The following UGT2A1 variants were observed in gnomAD, a reference collection of about 807,000 sequenced individuals.
The protein encoded by UGT2A1 is UDP glucuronosyltransferase family 2 member A1 complex locus.
UGT2A1 carries 61 observed loss-of-function variants against 45.4 expected under a neutral mutation model. The ratio of observed to expected loss-of-function variants is 1.34; its 90% CI spans 1.09 to 1.66. The LOEUF (loss-of-function observed/expected upper bound fraction) is 1.66. Among genes scored for constraint, UGT2A1 ranks in the 40% most tolerant of loss-of-function variants. UGT2A1 has a pLI of 0.00. For synonymous variants in UGT2A1, 229 were observed against 196.2 expected (o/e 1.17, Z -1.40); for missense variants, 649 against 574.3 (o/e 1.13, Z -1.33).
intron 2 of UGT2A1, among the ~76,000 whole-genome samples, chr4:69,641,180 G>GA (rs1240698614): frequency 6.6e-6 from 1 of 151,724 alleles, no homozygotes; most frequent in African/African-American, 2.4e-5. Context: ...CAGAGTAAGG[G>GA]AAAAAATGAT....
rs780378875 is a variant in UGT2A1 at position 69,647,216 on chromosome 4, C to A, written c.429G>T (p.Lys143Asn). ...CTGGATCAGACACCAGGACTTCAAA[C>A]TTGCTTTTCTTTAGCTTTGCCATCA... Reference protein sequence around the residue: ...QQLMAKLKKSKFEVLVSDPVF... With the variant: ...QQLMAKLKKSNFEVLVSDPVF... Residue 143 changes from lysine to asparagine, a missense_variant, in exon 2 of 7, where the codon AAG becomes AAT. Transcript: ENST00000286604. 6.2e-7 allele frequency: 1 copy of A among 1,613,296 alleles called. No individual in the cohort carries two copies. Among genetic ancestry groups the A allele is most frequent in the Non-Finnish European group, 8.5e-7 (1 of 1,179,462 alleles).
intron 3 of UGT2A1, among the ~76,000 whole-genome samples, chr4:69,611,878 A>G (rs186717914): frequency 6.6e-6 from 1 of 152,284 alleles, no homozygotes; most frequent in African/African-American, 2.4e-5. Context: ...CATTACACAT[A>G]CGCATTCACA....
chr4:69,651,205 C>T (rs370348249), intron 1 of UGT2A1, among the ~76,000 whole-genome samples: 9 of 152,056 alleles, frequency 5.9e-5, no homozygotes, highest in African/African-American at 2.2e-4. Context: ...CAACAAAAGG[C>T]TTAAAGAGGT....
At chr4:69,624,678 G>A (rs897617319) in intron 3 of UGT2A1, among the ~76,000 whole-genome samples, 1 of 150,812 alleles carries the variant, frequency 6.6e-6, no homozygotes, top group Non-Finnish European at 1.5e-5. Context: ...ATCATTTTTA[G>A]CATAACAACT....
chr4:69,628,061 T>G (rs1009178795), intron 3 of UGT2A1, among the ~76,000 whole-genome samples: 1 of 151,958 alleles, frequency 6.6e-6, no homozygotes, highest in Non-Finnish European at 1.5e-5. Context: ...TGGTGTTATA[T>G]CCAAGAAATT....
intron 3 of UGT2A1, among the ~76,000 whole-genome samples, chr4:69,625,022 T>A (rs2109943381): frequency 6.6e-6 from 1 of 151,410 alleles, no homozygotes; most frequent in East Asian, 1.9e-4. Context: ...TCAGCCTTTA[T>A]TTTTAAAATT....
chr4:69,643,826 T>G (rs1303878948), intron 2 of UGT2A1, among the ~76,000 whole-genome samples: 3 of 151,624 alleles, frequency 2.0e-5, no homozygotes, highest in Non-Finnish European at 4.4e-5. Flanking sequence ...CATTAAAGAA[T>G]TTTAAGTAAA....
intron 1 of UGT2A1, among the ~76,000 whole-genome samples, chr4:69,652,678 A>G (rs1023688591): frequency 1.3e-5 from 2 of 152,198 alleles, no homozygotes; most frequent in East Asian, 1.9e-4. Flanking sequence ...TAAAATAAAT[A>G]TTTAAAAATC....
At position 69,626,573 on chromosome 4, in the gene UGT2A1, C is replaced by A. The variant is rs181910742; in HGVS notation, c.847+9118G>T. ...TGATGGGATTATTCATCCATCAAGC[C>A]TTAGTGACACGCAGTATACTCAGAT... On this transcript the variant is annotated intron_variant, in intron 3 of 6. Transcript: ENST00000286604. Among the ~76,000 whole-genome samples the A allele has an allele frequency of 2.6e-5, 4 of 151,522 alleles. No homozygotes were observed. In the East Asian group the frequency reaches 5.8e-4, roughly 22 times the overall value.
At chr4:69,599,584 G>A (rs1311068655) in intron 3 of UGT2A1, 190 bp from the exon 4 acceptor site, 10 of 791,672 alleles carry the variant, frequency 1.3e-5, no homozygotes, top group Non-Finnish European at 1.7e-5. Flanking sequence ...AAGGAGGAAG[G>A]AAGAAAAGAA....
At chr4:69,642,594 T>C (rs932534004) in intron 2 of UGT2A1, among the ~76,000 whole-genome samples, 1 of 151,720 alleles carries the variant, frequency 6.6e-6, no homozygotes, top group Admixed American at 6.6e-5. Context: ...GCACTTTATT[T>C]TACATTAATT....
rs145072098 is a variant in UGT2A1 at position 69,647,375 on chromosome 4, G to A, written c.270C>T (p.Phe90=). 137 of 1,613,240 alleles carry A rather than the reference G, an allele frequency of 8.5e-5. No individual in the cohort carries two copies. The African/African-American group carries it at 1.6e-3, about 19-fold the overall frequency. Residue 90 remains phenylalanine (F), a synonymous_variant, in exon 2 of 7, where the codon TTC becomes TTT. Coordinates refer to ENST00000286604, the MANE Select transcript of UGT2A1 (RefSeq NM_001252275.3). ...KERIEGVIKD[F]VLTWLENRPS... is the part of the protein sequence containing the mutation. ...GTCTATTTTCCAGCCATGTCAAAACGAAGTCCTTAATTACTCCTTCTATTC... is the reference window on the plus strand; with the variant it reads ...GTCTATTTTCCAGCCATGTCAAAACAAAGTCCTTAATTACTCCTTCTATTC...
chr4:69,620,082 T>A (rs1179630977), intron 3 of UGT2A1, among the ~76,000 whole-genome samples: 2 of 151,898 alleles, frequency 1.3e-5, no homozygotes, highest in African/African-American at 4.8e-5. Context: ...CAAAGACAAG[T>A]ATGCCCTCTC....
chr4:69,609,728 A>G (rs574235977), intron 3 of UGT2A1, among the ~76,000 whole-genome samples: 2 of 152,246 alleles, frequency 1.3e-5, no homozygotes, highest in East Asian at 3.9e-4. Context: ...GGTGAAAATA[A>G]ATGGTTTATA....
chr4:69,621,246 G>T (rs1720737308), intron 3 of UGT2A1, among the ~76,000 whole-genome samples: 1 of 151,846 alleles, frequency 6.6e-6, no homozygotes, highest in African/African-American at 2.4e-5. Context: ...TGCAAAGTAT[G>T]CATCTGACAA....
intron 3 of UGT2A1, among the ~76,000 whole-genome samples, chr4:69,607,246 G>A (rs1442255185): frequency 6.7e-6 from 1 of 149,278 alleles, no homozygotes; most frequent in Non-Finnish European, 1.5e-5. Context: ...ACAGAACAGA[G>A]CCCTCAGAAA....
At position 69,647,246 on chromosome 4, in the gene UGT2A1, T is replaced by C. The variant is rs1489571093; in HGVS notation, c.399A>G (p.Gln133=). The change falls in exon 2 of 7, where the codon CAA becomes CAG. Residue 133 remains glutamine, a synonymous_variant. Transcript: ENST00000286604. ...QEICDGVLKN[Q]QLMAKLKKSK... ...TTTTCTTTAGCTTTGCCATCAGCTG[T>C]TGGTTTTTAAGAACGCCATCACAGA... is the stretch of plus-strand genomic sequence containing the variant. 1.2e-6 allele frequency: 2 copies of C among 1,613,388 alleles called. No homozygotes were observed. The highest frequency in any genetic ancestry group is 8.5e-7 in the Non-Finnish European group (1 of 1,179,510).
intron 3 of UGT2A1, among the ~76,000 whole-genome samples, chr4:69,602,468 T>TATC (rs1176025690): frequency 1.6e-5 from 1 of 61,820 alleles, no homozygotes; most frequent in African/African-American, 7.3e-5. Context: ...GGAGTTTATC[T>TATC]ATCTATCTAT....
chr4:69,610,773 C>G (rs1055326193), intron 3 of UGT2A1, among the ~76,000 whole-genome samples: 1 of 152,130 alleles, frequency 6.6e-6, no homozygotes, highest in Non-Finnish European at 1.5e-5. Context: ...CAAGAAAAAA[C>G]AGACCTGGCA....
Sources: allele counts gnomAD v4.1 joint callset (sites outside exome capture counted in the v4.1 genomes callset), GRCh38; gene constraint gnomAD v4.1.1; transcripts MANE v1.5; gene names NCBI Gene and HGNC (gene_info 2026-07-23, HGNC 2026-07-21).